Variants in XPNPEP3 observed in about 807,000 individuals in gnomAD.
XPNPEP3 encodes the protein X-prolyl aminopeptidase 3, also known as xaa-Pro aminopeptidase 3.
In XPNPEP3, 41 loss-of-function variants were observed where a neutral mutation model predicts 60.0. That is an observed-to-expected ratio of 0.68 (90% CI 0.53 to 0.89). XPNPEP3 has a LOEUF of 0.89. Ranked by LOEUF, XPNPEP3 falls within the 40% of genes least tolerant of loss-of-function variation. The pLI is 0.00. For missense variants in XPNPEP3, 598 were observed against 638.9 expected (o/e 0.94, Z 0.69); for synonymous variants, 212 against 223.2 (o/e 0.95, Z 0.45).
intron 1 of XPNPEP3, chr22:40,859,757 A>T (rs1601483577): frequency 6.6e-6 from 1 of 152,302 alleles, no homozygotes; most frequent in Non-Finnish European, 1.5e-5. Flanking sequence ...TCGCATTTGT[A>T]TTTGGCCAAA....
At chr22:40,878,691 A>G (rs974720092) in intron 2 of XPNPEP3, among the ~76,000 whole-genome samples, 1 of 151,900 alleles carries the variant, frequency 6.6e-6, no homozygotes, top group African/African-American at 2.4e-5. Context: ...GGTTTAAGCA[A>G]TTCTCCTGCC....
In XPNPEP3 at chr22:40,926,316, G is replaced by A. The variant is rs1431482843; in HGVS notation, c.1405G>A (p.Gly469Ser). ...DDKDAPEKFR[G>S]LGVRIEDDVV... The stretch of plus-strand genomic sequence containing the variant: ...CAAAGATGCCCCAGAGAAGTTTCGG[G>A]GTCTTGGTGTACGAATTGAGGATGA... Residue 469 changes from glycine (G) to serine (S), a missense_variant, in exon 10 of 10, where the codon GGT (glycine) becomes AGT (serine). By Grantham distance (56) the Gly-to-Ser change is moderately conservative. Coordinates refer to ENST00000357137, the MANE Select transcript of XPNPEP3 (RefSeq NM_022098.4). 17 of 1,613,952 alleles carry A rather than the reference G, an allele frequency of 1.1e-5. No individual in the cohort carries two copies. Among genetic ancestry groups the A allele is most frequent in the Non-Finnish European group, 1.4e-5 (17 of 1,180,028 alleles).
At chr22:40,912,317 A>T (rs926173344) in intron 6 of XPNPEP3, among the ~76,000 whole-genome samples, 6 of 152,158 alleles carry the variant, frequency 3.9e-5, no homozygotes, top group African/African-American at 1.4e-4. Context: ...GGGTCATAGG[A>T]TATACATATC....
intron 4 of XPNPEP3, among the ~76,000 whole-genome samples, chr22:40,906,003 G>A (rs1321328194): frequency 6.6e-6 from 1 of 152,110 alleles, no homozygotes; most frequent in African/African-American, 2.4e-5. Context: ...ATGTTGGATA[G>A]ACTGGACTCA....
chr22:40,861,541 A>C (rs1171715568), intron 1 of XPNPEP3: 1 of 1,613,372 alleles, frequency 6.2e-7, no homozygotes, highest in Non-Finnish European at 8.5e-7. Context: ...GTATCATATG[A>C]AGAAAATTTC....
At chr22:40,869,154 C>A in intron 2 of XPNPEP3, 39 bp downstream of exon 2, 1 of 1,531,700 alleles carries the variant, frequency 6.5e-7, no homozygotes, top group Non-Finnish European at 9.0e-7. Context: ...CATTTAGGTT[C>A]TGTCTAGAGC....
At chr22:40,904,453 G>A (rs931960494) in intron 4 of XPNPEP3, among the ~76,000 whole-genome samples, 6 of 152,134 alleles carry the variant, frequency 3.9e-5, no homozygotes, top group African/African-American at 9.7e-5. Flanking sequence ...CAGAAGGATC[G>A]CTTGAGCCCA....
intron 2 of XPNPEP3, among the ~76,000 whole-genome samples, chr22:40,880,851 A>AT (rs1442787265): frequency 2.6e-5 from 4 of 151,946 alleles, no homozygotes; most frequent in African/African-American, 9.7e-5. Flanking sequence ...GTTTCATTAT[A>AT]TAAAATCTCT....
chr22:40,920,496 G>A (rs533634898), intron 7 of XPNPEP3, among the ~76,000 whole-genome samples: 2 of 152,316 alleles, frequency 1.3e-5, no homozygotes, highest in African/African-American at 2.4e-5. Flanking sequence ...TTATATTATA[G>A]TCTTGAGGCA....
At chr22:40,882,462 C>T (rs2058052236) in intron 3 of XPNPEP3, among the ~76,000 whole-genome samples, 2 of 152,074 alleles carry the variant, frequency 1.3e-5, no homozygotes, top group South Asian at 4.1e-4. Flanking sequence ...CATGGCGAAA[C>T]CCCGTCTCTA....
At chr22:40,922,109 G>A (rs2058218695) in intron 7 of XPNPEP3, among the ~76,000 whole-genome samples, 1 of 152,050 alleles carries the variant, frequency 6.6e-6, no homozygotes, top group Admixed American at 6.6e-5. Context: ...ACCATTTGAA[G>A]AAGAGACTGT....
intron 7 of XPNPEP3, among the ~76,000 whole-genome samples, chr22:40,916,134 A>T (rs1267243214): frequency 1.3e-5 from 2 of 152,046 alleles, no homozygotes; most frequent in African/African-American, 4.8e-5. Flanking sequence ...TCTACTAAAA[A>T]TACAAAAATT....
rs573331008 is a variant in XPNPEP3 at position 40,858,826 on chromosome 22, G to A, written c.64+1581G>A. 1.8e-3 allele frequency among the ~76,000 whole-genome samples: 270 copies of A among 152,256 alleles called. 1 individual carries two copies. The highest frequency in any genetic ancestry group is 6.3e-3 in the African/African-American group (260 of 41,542). On this transcript the variant is annotated intron_variant, in intron 1 of 9. Transcript: ENST00000357137. ...ATTACAGGCGTGAGCCACCGCGCCCGGCTTAGGAAAAGATTTTTTGAAAGA... is the reference window on the plus strand; with the variant it reads ...ATTACAGGCGTGAGCCACCGCGCCCAGCTTAGGAAAAGATTTTTTGAAAGA...
rs574502323 is a variant in XPNPEP3 at position 40,927,447 on chromosome 22, C to G, written c.*1012C>G. On this transcript the variant is annotated 3_prime_UTR_variant, in exon 10 of 10. Coordinates refer to ENST00000357137, the MANE Select transcript of XPNPEP3 (RefSeq NM_022098.4). Reference sequence around the variant, plus strand: ...TGAGCTCATGCGACTGCACTCCAGCCTGGGTGACTGAGCAAGACTCTGCCT... The same window carrying G: ...TGAGCTCATGCGACTGCACTCCAGCGTGGGTGACTGAGCAAGACTCTGCCT... 1.3e-5 allele frequency: 2 copies of G among 152,110 alleles called. No individual in the cohort carries two copies. Among genetic ancestry groups the G allele is most frequent in the South Asian group, 4.1e-4 (2 of 4,828 alleles). The allele number at this position is 152,110 out of a possible 1,614,324, so 9.4% of individuals were successfully genotyped here.
At chr22:40,902,749 T>G (rs1227391256) in intron 4 of XPNPEP3, among the ~76,000 whole-genome samples, 1 of 152,218 alleles carries the variant, frequency 6.6e-6, no homozygotes, top group Non-Finnish European at 1.5e-5. Context: ...GAGATAGTGC[T>G]TGCAAATACA....
chr22:40,865,080 G>A (rs2057971613), intron 1 of XPNPEP3, among the ~76,000 whole-genome samples: 2 of 152,056 alleles, frequency 1.3e-5, no homozygotes, highest in African/African-American at 4.8e-5. Context: ...TTGATCCTTT[G>A]CCTCCCAGCC....
At chr22:40,860,554 T>C in intron 1 of XPNPEP3, 2 of 940,966 alleles carry the variant, frequency 2.1e-6, no homozygotes, top group Non-Finnish European at 2.9e-6. Flanking sequence ...GCATGTTTCG[T>C]AAGTTTGTAT....
chr22:40,891,179 C>CA (rs989825018), intron 4 of XPNPEP3, among the ~76,000 whole-genome samples: 3,249 of 43,714 alleles, frequency 0.074, 68 homozygotes, highest in Non-Finnish European at 0.1. Context: ...CCCATTTCTA[C>CA]AAAAAAAAAA....
intron 1 of XPNPEP3, chr22:40,861,124 T>A: frequency 6.2e-7 from 1 of 1,613,576 alleles, no homozygotes. Flanking sequence ...TTTTTCCTCT[T>A]ACCACCCTCT....
Sources: allele counts gnomAD v4.1 joint callset (sites outside exome capture counted in the v4.1 genomes callset), GRCh38; gene constraint gnomAD v4.1.1; transcripts MANE v1.5; gene names NCBI Gene and HGNC (gene_info 2026-07-23, HGNC 2026-07-21).